LRRTM4: variants seen among roughly 807,000 people sequenced by gnomAD.
LRRTM4 encodes the protein leucine-rich repeat transmembrane neuronal protein 4.
Under a neutral mutation model 47.6 loss-of-function variants are expected in LRRTM4, and 25 were observed. That is an observed-to-expected ratio of 0.53 (90% confidence interval 0.38 to 0.73). LRRTM4 has a LOEUF of 0.73. Among genes scored for constraint, LRRTM4 ranks in the 30% least tolerant of loss-of-function variants. The probability of loss-of-function intolerance (pLI) is 0.00; values close to 1 mark genes in which losing one functional copy is unlikely to be tolerated. For synonymous variants in LRRTM4, 311 were observed against 269.5 expected, an observed-to-expected ratio of 1.15 and a Z score of -1.51; for missense variants, 638 against 713.4, an observed-to-expected ratio of 0.89 and a Z score of 1.20.
At chr2:77,204,786 A>G (rs552827856) in intron 3 of LRRTM4, among the ~76,000 whole-genome samples, 3 of 152,316 alleles carry the variant, frequency 2.0e-5, no homozygotes, top group African/African-American at 7.2e-5. Flanking sequence ...CATAGCACTA[A>G]GCAGATAGGA....
chr2:76,957,160 T>A (rs79311554), intron 3 of LRRTM4, among the ~76,000 whole-genome samples: 7,966 of 151,744 alleles, frequency 0.052, 478 homozygotes, highest in East Asian at 0.14. Context: ...ATACCAGTGA[T>A]AGAAGGACAA....
At chr2:77,497,352 G>C (rs890055524) in intron 3 of LRRTM4, among the ~76,000 whole-genome samples, 2 of 143,634 alleles carry the variant, frequency 1.4e-5, no homozygotes, top group African/African-American at 4.9e-5. Flanking sequence ...TGTTTGATTT[G>C]CTCTGTTTTT....
At chr2:77,351,575 G>A (rs1466115227) in intron 3 of LRRTM4, among the ~76,000 whole-genome samples, 5 of 148,882 alleles carry the variant, frequency 3.4e-5, no homozygotes, top group African/African-American at 1.2e-4. Context: ...GAATTTTAAA[G>A]AGCAAAAATT....
intron 3 of LRRTM4, among the ~76,000 whole-genome samples, chr2:77,056,741 A>G (rs1171009023): frequency 6.6e-6 from 1 of 152,150 alleles, no homozygotes; most frequent in Non-Finnish European, 1.5e-5. Flanking sequence ...GATGTGGAGA[A>G]AAAAGAAATT....
At chr2:77,330,511 G>A (rs1254618621) in intron 3 of LRRTM4, among the ~76,000 whole-genome samples, 1 of 152,098 alleles carries the variant, frequency 6.6e-6, no homozygotes, top group Non-Finnish European at 1.5e-5. Flanking sequence ...ATAATAAGCT[G>A]ATAAGCTGCC....
intron 3 of LRRTM4, among the ~76,000 whole-genome samples, chr2:77,302,570 C>A (rs1474762076): frequency 6.6e-6 from 1 of 152,130 alleles, no homozygotes; most frequent in East Asian, 1.9e-4. Flanking sequence ...AACCACACAG[C>A]CTCTTTGTGT....
At chr2:77,218,886 A>G (rs961335312) in intron 3 of LRRTM4, among the ~76,000 whole-genome samples, 1 of 152,210 alleles carries the variant, frequency 6.6e-6, no homozygotes, top group Non-Finnish European at 1.5e-5. Flanking sequence ...TTAAAACAAA[A>G]AAGATTGGGT....
chr2:76,766,844 A>G (rs1673475999), intron 3 of LRRTM4, among the ~76,000 whole-genome samples: 1 of 152,126 alleles, frequency 6.6e-6, no homozygotes, highest in South Asian at 2.1e-4. Context: ...ACATGCTACA[A>G]TGTGCAGAAT....
At chr2:76,759,604 A>T (rs2104077538) in intron 3 of LRRTM4, among the ~76,000 whole-genome samples, 1 of 152,208 alleles carries the variant, frequency 6.6e-6, no homozygotes, top group Non-Finnish European at 1.5e-5. Flanking sequence ...CTAATCATAA[A>T]CAATGTTTTT....
chr2:77,253,760 G>A (rs971785669), intron 3 of LRRTM4, among the ~76,000 whole-genome samples: 18 of 151,868 alleles, frequency 1.2e-4, no homozygotes, highest in Non-Finnish European at 5.9e-5. Flanking sequence ...AATATGAAGA[G>A]AGTATAATCA....
intron 3 of LRRTM4, among the ~76,000 whole-genome samples, chr2:77,488,229 G>A (rs879621044): frequency 3.9e-5 from 6 of 152,106 alleles, no homozygotes; most frequent in Admixed American, 2.6e-4. Context: ...CACATTCCCC[G>A]GTGCCAGCAC....
intron 3 of LRRTM4, among the ~76,000 whole-genome samples, chr2:77,297,406 T>C (rs1192852114): frequency 6.6e-6 from 1 of 152,230 alleles, no homozygotes; most frequent in Non-Finnish European, 1.5e-5. Context: ...CACTATGCTC[T>C]ATTGTGCCTC....
At chr2:77,234,384 TATA>T (rs1256293343) in intron 3 of LRRTM4, among the ~76,000 whole-genome samples, 2 of 152,166 alleles carry the variant, frequency 1.3e-5, no homozygotes, top group Admixed American at 6.5e-5. Context: ...ATGGAATCAC[TATA>T]ATGATTTCGA....
At chr2:76,768,332 A>C in intron 3 of LRRTM4, among the ~76,000 whole-genome samples, 1 of 150,842 alleles carries the variant, frequency 6.6e-6, no homozygotes, top group African/African-American at 2.5e-5. Flanking sequence ...TAATATCAAA[A>C]GCTTAGTCTG....
At chr2:76,801,200 A>G (rs1172360127) in intron 3 of LRRTM4, among the ~76,000 whole-genome samples, 9 of 152,158 alleles carry the variant, frequency 5.9e-5, no homozygotes, top group Non-Finnish European at 1.0e-4. Flanking sequence ...TGCTGCTATA[A>G]AGACACATGC....
At chr2:77,227,628 T>C (rs1461375752) in intron 3 of LRRTM4, among the ~76,000 whole-genome samples, 1 of 152,108 alleles carries the variant, frequency 6.6e-6, no homozygotes, top group African/African-American at 2.4e-5. Context: ...TAAATTAATC[T>C]ACTAGGGCCT....
At chr2:77,368,334 T>C (rs1345929677) in intron 3 of LRRTM4, among the ~76,000 whole-genome samples, 1 of 151,776 alleles carries the variant, frequency 6.6e-6, no homozygotes, top group African/African-American at 2.4e-5. Flanking sequence ...AGAAAACATA[T>C]GTGACATAGC....
At chr2:77,385,103 T>C (rs1203013607) in intron 3 of LRRTM4, among the ~76,000 whole-genome samples, 1 of 152,128 alleles carries the variant, frequency 6.6e-6, no homozygotes, top group Non-Finnish European at 1.5e-5. Context: ...ATTGTTATTG[T>C]AACATATTTT....
intron 3 of LRRTM4, among the ~76,000 whole-genome samples, chr2:77,440,081 A>G (rs1437959379): frequency 6.6e-6 from 1 of 152,194 alleles, no homozygotes; most frequent in African/African-American, 2.4e-5. Context: ...AAGATGGGTG[A>G]AATTGAGTAA....
Sources: allele counts gnomAD v4.1 joint callset (sites outside exome capture counted in the v4.1 genomes callset), GRCh38; gene constraint gnomAD v4.1.1; transcripts MANE v1.5; gene names NCBI Gene and HGNC (gene_info 2026-07-23, HGNC 2026-07-21).